Variants in GRK3 observed in about 807,000 individuals in gnomAD.
GRK3 encodes G protein-coupled receptor kinase 3.
Under a neutral mutation model 95.7 loss-of-function variants are expected in GRK3, and 54 were observed. The observed-to-expected ratio is 0.56, with a 90% CI of 0.45 to 0.71. GRK3 has a LOEUF of 0.71. Ranked by LOEUF, GRK3 falls within the 30% of genes least tolerant of loss-of-function variation. The pLI is 0.00. For missense variants in GRK3, 649 were observed against 851.2 expected, an observed-to-expected ratio of 0.76 and a Z score of 2.96; for synonymous variants, 281 against 290.8, an observed-to-expected ratio of 0.97 and a Z score of 0.34.
intron 3 of GRK3, among the ~76,000 whole-genome samples, chr22:25,657,469 T>G (rs904323291): frequency 5.9e-5 from 9 of 152,204 alleles, no homozygotes; most frequent in African/African-American, 2.2e-4. Context: ...CACTGGATAT[T>G]AATACAGATG....
chr22:25,725,354 A>G lies in GRK3; in HGVS notation c.*2904A>G, dbSNP rs1489398545. ...TAATAAGTCTTGATTTCATGATTCAAAAGAATCAATAAAGCCTAAAAATAA... is the reference window on the plus strand; with the variant it reads ...TAATAAGTCTTGATTTCATGATTCAGAAGAATCAATAAAGCCTAAAAATAA... On this transcript the variant is annotated 3_prime_UTR_variant, in exon 21 of 21. Transcript: ENST00000324198. The G allele has an allele frequency of 2.6e-6, 1 of 391,246 alleles. No homozygotes were observed. Among genetic ancestry groups the G allele is most frequent in the Non-Finnish European group, 4.5e-6 (1 of 222,222 alleles). The allele number at this position is 391,246 out of a possible 1,614,324, so 24.2% of individuals were successfully genotyped here. A position where few individuals can be genotyped will look rare whatever the true frequency, so the allele number is the denominator to read the frequency against.
chr22:25,667,662 C>T (rs956701482), intron 5 of GRK3, 77 bp from the exon 6 acceptor site: 6 of 1,039,708 alleles, frequency 5.8e-6, no homozygotes, highest in Non-Finnish European at 9.0e-6. Flanking sequence ...CTTCGCTTAA[C>T]CTGAGTCTCA....
chr22:25,645,671 C>T (rs1249839436), intron 3 of GRK3, among the ~76,000 whole-genome samples: 1 of 152,062 alleles, frequency 6.6e-6, no homozygotes, highest in African/African-American at 2.4e-5. Flanking sequence ...GCCTGTAATC[C>T]CAGCACTTTG....
chr22:25,661,937 A>G (rs2146401498), intron 4 of GRK3, among the ~76,000 whole-genome samples: 1 of 152,368 alleles, frequency 6.6e-6, no homozygotes, highest in East Asian at 1.9e-4. Flanking sequence ...ATTTAGATCA[A>G]CTGAAGAAAA....
intron 7 of GRK3, among the ~76,000 whole-genome samples, chr22:25,673,167 T>C (rs2084998487): frequency 1.3e-5 from 2 of 150,000 alleles, no homozygotes; most frequent in African/African-American, 4.9e-5. Context: ...GTTCACACCA[T>C]TCTCCTGCCT....
At chr22:25,584,448 G>A (rs1932217762) in intron 1 of GRK3, among the ~76,000 whole-genome samples, 1 of 152,172 alleles carries the variant, frequency 6.6e-6, no homozygotes, top group Admixed American at 6.5e-5. Context: ...TTATTTTATT[G>A]AATGATGGCC....
At chr22:25,719,299 A>G (rs994200315) in intron 19 of GRK3, among the ~76,000 whole-genome samples, 1 of 152,148 alleles carries the variant, frequency 6.6e-6, no homozygotes, top group South Asian at 2.1e-4. Context: ...CCACCCAAAA[A>G]CACAACTGGA....
intron 1 of GRK3, among the ~76,000 whole-genome samples, chr22:25,572,538 G>T (rs1000476078): frequency 6.6e-6 from 1 of 151,986 alleles, no homozygotes; most frequent in Non-Finnish European, 1.5e-5. Context: ...TTTAATGATC[G>T]CCCTTCTAAC....
chr22:25,652,292 G>A (rs1209344985), intron 3 of GRK3, among the ~76,000 whole-genome samples: 1 of 152,156 alleles, frequency 6.6e-6, no homozygotes. Context: ...ACAGCCGGGT[G>A]TGGTGGCAGG....
chr22:25,605,013 TCTC>T (rs984317613), intron 2 of GRK3, among the ~76,000 whole-genome samples: 2 of 152,214 alleles, frequency 1.3e-5, no homozygotes, highest in African/African-American at 2.4e-5. Context: ...GATTCCCAGT[TCTC>T]CTTCTTCTTT....
rs2146473639 is a variant in GRK3 at position 25,718,397 on chromosome 22, C to T, written c.1791+16C>T. ...AGAGTCCCGGGTAAGTCTAAGGCAG[C>T]CTCACCGAGCATGTTTCCCAGTACG... On this transcript the variant is annotated intron_variant, in intron 19 of 20. Coordinates refer to ENST00000324198, the MANE Select transcript of GRK3 (RefSeq NM_005160.4). 6.2e-7 allele frequency: 1 copy of T among 1,612,754 alleles called. No individual in the cohort carries two copies. The highest frequency in any genetic ancestry group is 1.7e-5 in the Admixed American group (1 of 59,796).
At position 25,690,295 on chromosome 22, in the gene GRK3, G is replaced by A. The variant is rs183666407; in HGVS notation, c.1052+12G>A. ...CCTCATGCGAGTGTGTAAGTAGTGC[G>A]TCAACTTCAGTTCACCACCATTTCT... On this transcript the variant is annotated intron_variant, in intron 12 of 20. Transcript: ENST00000324198. 20 of 1,590,278 alleles carry A rather than the reference G, an allele frequency of 1.3e-5. No homozygotes were observed. Among genetic ancestry groups the A allele is most frequent in the African/African-American group, 5.4e-5 (4 of 74,490 alleles).
intron 3 of GRK3, chr22:25,647,344 G>A: frequency 2.4e-6 from 3 of 1,261,606 alleles, no homozygotes; most frequent in Non-Finnish European, 3.5e-6. Flanking sequence ...GTACAAGGGT[G>A]AGCCATGGGA....
At chr22:25,604,891 CA>C (rs2084433642) in intron 2 of GRK3, among the ~76,000 whole-genome samples, 1 of 152,134 alleles carries the variant, frequency 6.6e-6, no homozygotes, top group African/African-American at 2.4e-5. Context: ...GATTAATAGA[CA>C]TAGACTGATA....
At chr22:25,651,486 C>T (rs1454786290) in intron 3 of GRK3, among the ~76,000 whole-genome samples, 1 of 152,194 alleles carries the variant, frequency 6.6e-6, no homozygotes, top group Admixed American at 6.5e-5. Context: ...TTTCTGTTTA[C>T]ATAACCTGCT....
At chr22:25,681,715 C>A (rs921491962) in intron 9 of GRK3, among the ~76,000 whole-genome samples, 7 of 152,122 alleles carry the variant, frequency 4.6e-5, no homozygotes, top group African/African-American at 1.7e-4. Context: ...ACTTCATGGT[C>A]CTGTTTTATC....
At chr22:25,710,369 G>A (rs1394794543) in intron 16 of GRK3, among the ~76,000 whole-genome samples, 1 of 151,926 alleles carries the variant, frequency 6.6e-6, no homozygotes, top group Non-Finnish European at 1.5e-5. Flanking sequence ...TAAAATGTAC[G>A]TGAAACTTCT....
At chr22:25,721,134 G>C (rs1044536528) in intron 19 of GRK3, 150 bp from the exon 20 acceptor site, 1 of 462,162 alleles carries the variant, frequency 2.2e-6, no homozygotes, top group African/African-American at 2.1e-5. Context: ...TTCCTTTATA[G>C]CCATTTTCCC....
At chr22:25,573,761 T>C (rs771352985) in intron 1 of GRK3, among the ~76,000 whole-genome samples, 8 of 152,116 alleles carry the variant, frequency 5.3e-5, no homozygotes, top group Admixed American at 2.0e-4. Flanking sequence ...TAGCTGGGCA[T>C]GGTGGCAGGC....
Sources: allele counts gnomAD v4.1 joint callset (sites outside exome capture counted in the v4.1 genomes callset), GRCh38; gene constraint gnomAD v4.1.1; transcripts MANE v1.5; gene names NCBI Gene and HGNC (gene_info 2026-07-23, HGNC 2026-07-21).